Variants in RIPPLY3 observed in about 807,000 individuals in gnomAD.
The protein encoded by RIPPLY3 is ripply transcriptional repressor 3.
Under a neutral mutation model 11.9 loss-of-function variants are expected in RIPPLY3, and 8 were observed. The observed-to-expected ratio is 0.67, with a 90% confidence interval of 0.40 to 1.21. RIPPLY3 has a LOEUF of 1.21. Ranked by LOEUF, RIPPLY3 falls within the 50% of genes most tolerant of loss-of-function variation. The probability of loss-of-function intolerance (pLI) is 0.01; values close to 1 mark genes in which losing one functional copy is unlikely to be tolerated. For synonymous variants in RIPPLY3, 102 were observed against 99.0 expected, an observed-to-expected ratio of 1.03 and a Z score of -0.18; for missense variants, 271 against 246.0, an observed-to-expected ratio of 1.10 and a Z score of -0.68.
intron 2 of RIPPLY3, among the ~76,000 whole-genome samples, chr21:37,010,885 C>T (rs1052535685): frequency 1.3e-5 from 2 of 152,148 alleles, no homozygotes; most frequent in Admixed American, 6.5e-5. Flanking sequence ...GCAGTGCTTG[C>T]GTTGTGCACA....
chr21:37,015,994 A>G (rs184804570), intron 3 of RIPPLY3, among the ~76,000 whole-genome samples: 18 of 151,930 alleles, frequency 1.2e-4, no homozygotes, highest in African/African-American at 4.3e-4. Flanking sequence ...GATTACAGAC[A>G]TGAGCCACTG....
In RIPPLY3 at chr21:37,006,854, C is replaced by T. The variant is rs1000136494; in HGVS notation, c.82C>T (p.Pro28Ser). 7 of 1,222,182 alleles carry T rather than the reference C, an allele frequency of 5.7e-6. No individual in the cohort carries two copies. The highest frequency in any genetic ancestry group is 7.1e-6 in the Non-Finnish European group (7 of 981,684). The allele number at this position is 1,222,182 out of a possible 1,614,324, so 75.7% of individuals were successfully genotyped here. A position where few individuals can be genotyped will look rare whatever the true frequency, so the allele number is the denominator to read the frequency against. Residue 28 changes from proline (P) to serine (S), a missense_variant, in exon 1 of 4, where the codon CCG (proline) becomes TCG (serine). Transcript: ENST00000329553. This position sits in a 1 kb window ranked among gnomAD's most constrained non-coding sequence, Gnocchi z 5.2. ...CCCCGGGGACGCTCCCTGGAGGCCTCCGCCACCGCGCGGGCCGGAGAGGTG... is the reference window on the plus strand; with the variant it reads ...CCCCGGGGACGCTCCCTGGAGGCCTTCGCCACCGCGCGGGCCGGAGAGGTG... ...HCPGDAPWRP[P>S]PPRGPESPAP...
Position 37,013,569 on chromosome 21 carries a change from C to T in RIPPLY3, c.190C>T (p.Gln64Ter). 1 of 1,613,688 alleles carries T rather than the reference C, an allele frequency of 6.2e-7. No homozygotes were observed. Among genetic ancestry groups the T allele is most frequent in the Admixed American group, 1.7e-5 (1 of 59,990 alleles). The change falls in exon 3 of 4, where the codon CAA becomes TAA. Residue 64 changes from glutamine (Q) to a stop codon, truncating the protein, a stop_gained. Transcript: ENST00000329553. LOFTEE classifies it low-confidence loss of function (END_TRUNC). ...GTTACAGCTTGAACCTAGGGCTGACCAACACACTTTTGGATCAAAGGGAGC... is the reference window on the plus strand; with the variant it reads ...GTTACAGCTTGAACCTAGGGCTGACTAACACACTTTTGGATCAAAGGGAGC... ...TGRPLEPRAD[Q>*]HTFGSKGAFG...
At chr21:37,006,430 C>T (rs527998841), upstream of RIPPLY3, 4 of 208,856 alleles carry the variant, frequency 1.9e-5, no homozygotes, top group Non-Finnish European at 1.9e-5. This position sits in a 1 kb window ranked among gnomAD's most constrained non-coding sequence, Gnocchi z 5.2. Context: ...TTCTTTGTCC[C>T]GTCCCCACCC....
chr21:37,008,756 C>CAAAAAAAAA (rs71198845), intron 2 of RIPPLY3, among the ~76,000 whole-genome samples: 2 of 81,652 alleles, frequency 2.4e-5, no homozygotes, highest in African/African-American at 8.7e-5. Flanking sequence ...AGACTCATCT[C>CAAAAAAAAA]AAAAAAAAAA....
intron 3 of RIPPLY3, among the ~76,000 whole-genome samples, 192 bp from the exon 4 acceptor site, chr21:37,017,682 G>C (rs2069592271): frequency 6.6e-6 from 1 of 152,114 alleles, no homozygotes; most frequent in Admixed American, 6.6e-5. Context: ...AACCGGGGTA[G>C]GTTTATCACC....
At chr21:37,010,752 C>T (rs1296976358) in intron 2 of RIPPLY3, among the ~76,000 whole-genome samples, 1 of 152,186 alleles carries the variant, frequency 6.6e-6, no homozygotes, top group Admixed American at 6.5e-5. Flanking sequence ...CAGGCTCCCA[C>T]TTCTTAGCCC....
At position 37,018,138 on chromosome 21, in the gene RIPPLY3, C is replaced by A. The variant is rs752007710; in HGVS notation, c.504C>A (p.Asp168Glu). ...NQGQRSSGGG[D>E]HWGEGPLPQG... ...GGCAGCGATCCTCAGGAGGGGGTGA[C>A]CACTGGGGGGAGGGTCCGCTCCCTC... Residue 168 changes from aspartate (D) to glutamate (E), a missense_variant, in exon 4 of 4, where the codon GAC becomes GAA. Transcript: ENST00000329553. The A allele has an allele frequency of 1.2e-6, 2 of 1,613,852 alleles. No homozygotes were observed. Among genetic ancestry groups the A allele is most frequent in the African/African-American group, 2.7e-5 (2 of 74,918 alleles).
intron 2 of RIPPLY3, among the ~76,000 whole-genome samples, chr21:37,011,604 C>T (rs370559343): frequency 3.9e-5 from 6 of 152,134 alleles, no homozygotes; most frequent in African/African-American, 1.4e-4. Flanking sequence ...AAAGAGTGAA[C>T]AACTTTATGG....
intron 2 of RIPPLY3, among the ~76,000 whole-genome samples, chr21:37,010,130 T>A (rs1464482846): frequency 3.3e-5 from 5 of 152,046 alleles, no homozygotes; most frequent in Non-Finnish European, 5.9e-5. Flanking sequence ...TTGGCTGGAG[T>A]GGCGGTGAAG....
intron 2 of RIPPLY3, among the ~76,000 whole-genome samples, 165 bp from the exon 3 acceptor site, chr21:37,013,386 C>G (rs1299148698): frequency 6.6e-6 from 1 of 152,156 alleles, no homozygotes; most frequent in Non-Finnish European, 1.5e-5. Flanking sequence ...GCCGCGGTAA[C>G]AGGAACACGG....
chr21:37,006,762 C>T lies in RIPPLY3; in HGVS notation c.-11C>T, dbSNP rs2069468036. On this transcript the variant is annotated 5_prime_UTR_variant, in exon 1 of 4. Transcript: ENST00000329553. This position sits in a 1 kb window ranked among gnomAD's most constrained non-coding sequence, Gnocchi z 5.2. ...GGCGCCGCAGCAAGGGGCGCGGGCT[C>T]CGCCGGCACCATGGAGCCCGAAGCG... The T allele has an allele frequency of 1.6e-6, 2 of 1,228,680 alleles. No homozygotes were observed. Among genetic ancestry groups the T allele is most frequent in the Non-Finnish European group, 2.0e-6 (2 of 985,462 alleles). The allele number at this position is 1,228,680 out of a possible 1,614,324, so 76.1% of individuals were successfully genotyped here.
chr21:37,008,683 G>T (rs990153235), intron 2 of RIPPLY3, among the ~76,000 whole-genome samples: 1 of 150,800 alleles, frequency 6.6e-6, no homozygotes, highest in African/African-American at 2.4e-5. Context: ...GCTTGAACCC[G>T]GGAGGCGGAG....
chr21:37,016,713 G>A (rs2069582462), intron 3 of RIPPLY3, among the ~76,000 whole-genome samples: 1 of 152,160 alleles, frequency 6.6e-6, no homozygotes. Flanking sequence ...TGCACCAGTA[G>A]TCTCAGCTAC....
intron 3 of RIPPLY3, among the ~76,000 whole-genome samples, chr21:37,015,585 A>G (rs1270374120): frequency 6.6e-6 from 1 of 152,246 alleles, no homozygotes; most frequent in African/African-American, 2.4e-5. Context: ...AATTTCAGAC[A>G]TACACAAAAG....
chr21:37,017,666 C>T (rs1009619294), intron 3 of RIPPLY3, among the ~76,000 whole-genome samples: 28 of 152,150 alleles, frequency 1.8e-4, no homozygotes, highest in Non-Finnish European at 4.4e-5. Context: ...TTATAACTCA[C>T]TTCTGAACCG....
chr21:37,009,364 G>T (rs760242132), intron 2 of RIPPLY3, among the ~76,000 whole-genome samples: 15 of 151,998 alleles, frequency 9.9e-5, no homozygotes, highest in Admixed American at 2.0e-4. Context: ...AAACTTGATT[G>T]TGGGAAAACA....
upstream of RIPPLY3, chr21:37,006,443 G>T: frequency 4.5e-6 from 1 of 223,642 alleles, no homozygotes; most frequent in Non-Finnish European, 8.7e-6. This position sits in a 1 kb window ranked among gnomAD's most constrained non-coding sequence, Gnocchi z 5.2. Context: ...CCCCACCCTT[G>T]CCCGGGCCTG....
intron 3 of RIPPLY3, among the ~76,000 whole-genome samples, chr21:37,014,196 T>C (rs2069555221): frequency 6.6e-6 from 1 of 152,088 alleles, no homozygotes; most frequent in South Asian, 2.1e-4. Flanking sequence ...TGGGCACCTG[T>C]AATCCCGGCT....
Sources: allele counts gnomAD v4.1 joint callset (sites outside exome capture counted in the v4.1 genomes callset), GRCh38; gene constraint gnomAD v4.1.1; non-coding constraint Gnocchi (gnomAD v3.1); transcripts MANE v1.5; gene names NCBI Gene and HGNC (gene_info 2026-07-23, HGNC 2026-07-21).